Variants in LRRC7 observed in about 807,000 individuals in gnomAD.
The protein encoded by LRRC7 is leucine-rich repeat-containing protein 7.
Under a neutral mutation model 175.7 loss-of-function variants are expected in LRRC7, and 23 were observed. The observed-to-expected ratio is 0.13, with a 90% CI of 0.09 to 0.19. LRRC7 has a LOEUF of 0.19. Ranked by LOEUF, LRRC7 falls within the 10% of genes least tolerant of loss-of-function variation. The pLI, the probability that LRRC7 is intolerant of heterozygous loss-of-function variation, is 1.00. For synonymous variants in LRRC7, 685 were observed against 680.9 expected (o/e 1.01, Z -0.09); for missense variants, 1,354 against 1,904.7 (o/e 0.71, Z 5.38).
At chr1:69,791,326 G>A (rs1368073987) in intron 3 of LRRC7, among the ~76,000 whole-genome samples, 1 of 151,912 alleles carries the variant, frequency 6.6e-6, no homozygotes, top group Admixed American at 6.6e-5. Flanking sequence ...CCCCTTACAG[G>A]ACCTATTTGG....
At chr1:69,651,766 G>A (rs1029655449) in intron 1 of LRRC7, among the ~76,000 whole-genome samples, 8 of 152,020 alleles carry the variant, frequency 5.3e-5, no homozygotes, top group Non-Finnish European at 1.0e-4. Flanking sequence ...CCTGCTTCTC[G>A]GTCAAGGGAA....
Position 69,633,003 on chromosome 1 carries a change from A to G in LRRC7, c.3-45378A>G, listed in dbSNP as rs564704109. Among the ~76,000 whole-genome samples, 17 of 152,178 alleles carry G rather than the reference A, an allele frequency of 1.1e-4. No individual in the cohort carries two copies. The South Asian group carries it at 2.3e-3, about 20-fold the overall frequency. ...AATTTTAATGCAATGAGATCACAGA[A>G]ATAGAGTATTTACAATTGTACTATT... On this transcript the variant is annotated intron_variant, in intron 1 of 26. Transcript: ENST00000651989.
At chr1:70,014,122 C>T (rs1656766936) in intron 13 of LRRC7, 1 of 151,946 alleles carries the variant, frequency 6.6e-6, no homozygotes, top group Non-Finnish European at 1.5e-5. Flanking sequence ...AACCTTGCTT[C>T]CTCTTCTGAC....
intron 3 of LRRC7, among the ~76,000 whole-genome samples, chr1:69,761,185 G>A (rs941201324): frequency 6.6e-6 from 1 of 152,030 alleles, no homozygotes; most frequent in African/African-American, 2.4e-5. Context: ...CCCAGATTAA[G>A]TAGTTAGCAT....
At chr1:69,917,931 T>G (rs1646769944) in intron 7 of LRRC7, among the ~76,000 whole-genome samples, 1 of 152,196 alleles carries the variant, frequency 6.6e-6, no homozygotes, top group Non-Finnish European at 1.5e-5. Flanking sequence ...TCTTTCAGTA[T>G]TTTCATTATT....
chr1:69,670,064 C>G lies in LRRC7; in HGVS notation c.3-8317C>G, dbSNP rs541403866. Among the ~76,000 whole-genome samples, 21 of 152,250 alleles carry G rather than the reference C, an allele frequency of 1.4e-4. 1 individual carries two copies. The highest frequency in any genetic ancestry group is 1.0e-3 in the South Asian group (5 of 4,830). On this transcript the variant is annotated intron_variant, in intron 1 of 26. Transcript: ENST00000651989. ...CTAAAGGTCACATATCTCTGTGTCT[C>G]CAAAGTTGGTCTCTAGTGCCTTTTT...
chr1:70,080,341 T>C (rs899469661), intron 24 of LRRC7, among the ~76,000 whole-genome samples: 13 of 152,220 alleles, frequency 8.5e-5, no homozygotes, highest in African/African-American at 1.4e-4. Context: ...ACTGACGACA[T>C]TGAATGAATT....
chr1:69,892,375 C>T (rs1276292803), intron 7 of LRRC7, among the ~76,000 whole-genome samples: 3 of 152,112 alleles, frequency 2.0e-5, no homozygotes, highest in South Asian at 4.1e-4. Flanking sequence ...ATGTGAGTAG[C>T]AAGGACACAG....
intron 4 of LRRC7, among the ~76,000 whole-genome samples, chr1:69,805,181 G>T (rs1676968516): frequency 6.6e-6 from 1 of 151,742 alleles, no homozygotes. Context: ...TTACCAACTT[G>T]CCAACTATTC....
chr1:69,813,556 A>G (rs1207952837), intron 4 of LRRC7, among the ~76,000 whole-genome samples: 1 of 152,180 alleles, frequency 6.6e-6, no homozygotes, highest in East Asian at 1.9e-4. Flanking sequence ...GAGAAGAAGC[A>G]TGTCTCATTT....
intron 1 of LRRC7, among the ~76,000 whole-genome samples, chr1:69,616,699 A>G (rs560133154): frequency 1.6e-4 from 24 of 152,194 alleles, no homozygotes; most frequent in Non-Finnish European, 2.9e-4. Context: ...AGCTTAGTTT[A>G]GGCTCTGCCT....
intron 2 of LRRC7, among the ~76,000 whole-genome samples, chr1:69,690,773 C>T (rs908132275): frequency 1.3e-4 from 20 of 152,252 alleles, no homozygotes; most frequent in Non-Finnish European, 2.9e-5. Context: ...AGGAGACCCT[C>T]AAATCCATTT....
chr1:69,855,395 T>C (rs1025740344), intron 7 of LRRC7, among the ~76,000 whole-genome samples: 1 of 152,188 alleles, frequency 6.6e-6, no homozygotes, highest in Non-Finnish European at 1.5e-5. Context: ...CCAGTAGTCA[T>C]TCAGGAGCAG....
At chr1:69,601,204 C>T (rs1316848057) in intron 1 of LRRC7, among the ~76,000 whole-genome samples, 1 of 152,098 alleles carries the variant, frequency 6.6e-6, no homozygotes, top group Non-Finnish European at 1.5e-5. Context: ...TGCTTCCAGG[C>T]CCTCTCCGCT....
intron 2 of LRRC7, among the ~76,000 whole-genome samples, chr1:69,755,573 T>C (rs1479453814): frequency 6.6e-6 from 1 of 151,430 alleles, no homozygotes; most frequent in Non-Finnish European, 1.5e-5. Flanking sequence ...TACATATATA[T>C]ATAGTACAAG....
intron 7 of LRRC7, among the ~76,000 whole-genome samples, chr1:69,883,929 A>G (rs1324344844): frequency 1.3e-5 from 1 of 78,026 alleles, no homozygotes; most frequent in Admixed American, 1.5e-4. Flanking sequence ...AGTTGTAGAT[A>G]TGCGGCATTA....
intron 2 of LRRC7, among the ~76,000 whole-genome samples, chr1:69,700,147 G>A (rs1399388264): frequency 1.3e-5 from 2 of 152,256 alleles, no homozygotes; most frequent in Non-Finnish European, 2.9e-5. Context: ...GTGTGGACCT[G>A]AACTTAGCTA....
At chr1:69,761,108 CA>C (rs1670991335) in intron 3 of LRRC7, among the ~76,000 whole-genome samples, 1 of 151,860 alleles carries the variant, frequency 6.6e-6, no homozygotes, top group African/African-American at 2.4e-5. Context: ...TAAAGCAGAC[CA>C]AGACCACACA....
chr1:69,685,417 A>G (rs1661015584), intron 2 of LRRC7, among the ~76,000 whole-genome samples: 1 of 152,166 alleles, frequency 6.6e-6, no homozygotes, highest in African/African-American at 2.4e-5. Flanking sequence ...AGATAATGGA[A>G]TTTCTGAGAA....
Sources: allele counts gnomAD v4.1 joint callset (sites outside exome capture counted in the v4.1 genomes callset), GRCh38; gene constraint gnomAD v4.1.1; transcripts MANE v1.5; gene names NCBI Gene and HGNC (gene_info 2026-07-23, HGNC 2026-07-21).